The following TMEM222 variants were observed in gnomAD, a reference collection of about 807,000 sequenced individuals.
The protein encoded by TMEM222 is chromosome 1 open reading frame 160.
A neutral mutation model predicts 25.1 loss-of-function variants in TMEM222; 18 were observed. The observed-to-expected ratio is 0.72, with a 90% CI of 0.50 to 1.06. The LOEUF (loss-of-function observed/expected upper bound fraction) is 1.06, where lower values mean the gene tolerates loss of function less well. Ranked by LOEUF, TMEM222 falls within the 50% of genes least tolerant of loss-of-function variation. TMEM222 has a pLI of 0.00. For missense variants in TMEM222, 296 were observed against 293.7 expected, an observed-to-expected ratio of 1.01 and a Z score of -0.06; for synonymous variants, 131 against 117.9, an observed-to-expected ratio of 1.11 and a Z score of -0.72.
chr1:27,322,170 G>T lies in TMEM222; in HGVS notation c.-28G>T. 1 of 1,368,928 alleles carries T rather than the reference G, an allele frequency of 7.3e-7. No homozygotes were observed. The highest frequency in any genetic ancestry group is 9.5e-7 in the Non-Finnish European group (1 of 1,049,962). 84.8% of individuals were successfully genotyped at this position (1,368,928 alleles called of 1,614,324 possible). A position where few individuals can be genotyped will look rare whatever the true frequency, so the allele number is the denominator to read the frequency against. Reference sequence around the variant, plus strand: ...ATGGGGACGAGCGGCACCAGAGCCGGGGCCAGTCGGAGCGGGGCGCGCGCC... The same window carrying T: ...ATGGGGACGAGCGGCACCAGAGCCGTGGCCAGTCGGAGCGGGGCGCGCGCC... On this transcript the variant is annotated 5_prime_UTR_variant, in exon 1 of 6. Coordinates refer to ENST00000374076, the MANE Select transcript of TMEM222 (RefSeq NM_032125.3).
chr1:27,335,261 G>GGGT, intron 5 of TMEM222, 118 bp from the exon 6 acceptor site: 1 of 938,758 alleles, frequency 1.1e-6, no homozygotes, highest in Non-Finnish European at 1.7e-6. Context: ...GTGAGGGGGT[G>GGGT]GTTGGGTTTT....
intron 1 of TMEM222, among the ~76,000 whole-genome samples, chr1:27,326,823 T>C (rs925288601): frequency 2.0e-5 from 3 of 152,130 alleles, no homozygotes; most frequent in Non-Finnish European, 4.4e-5. Context: ...AGGTCCTGAA[T>C]AGAAGGTAGT....
intron 1 of TMEM222, among the ~76,000 whole-genome samples, chr1:27,324,831 C>T (rs1368459220): frequency 1.3e-5 from 2 of 152,082 alleles, no homozygotes; most frequent in African/African-American, 4.8e-5. Flanking sequence ...GGAGATGCTA[C>T]ACACTTTTAA....
chr1:27,323,018 A>C (rs1428336772), intron 1 of TMEM222, among the ~76,000 whole-genome samples: 1 of 152,116 alleles, frequency 6.6e-6, no homozygotes, highest in Non-Finnish European at 1.5e-5. Flanking sequence ...TTTTGGGAGG[A>C]GCTCTCATAT....
chr1:27,326,823 T>A (rs925288601), intron 1 of TMEM222, among the ~76,000 whole-genome samples: 1 of 152,130 alleles, frequency 6.6e-6, no homozygotes, highest in Non-Finnish European at 1.5e-5. Context: ...AGGTCCTGAA[T>A]AGAAGGTAGT....
At chr1:27,328,852 C>T (rs1477146559) in intron 1 of TMEM222, among the ~76,000 whole-genome samples, 1 of 152,204 alleles carries the variant, frequency 6.6e-6, no homozygotes, top group Admixed American at 6.5e-5. Context: ...TTGGCCTGCA[C>T]CCCTAGCCAG....
intron 1 of TMEM222, chr1:27,325,605 A>G: frequency 1.1e-6 from 1 of 940,894 alleles, no homozygotes; most frequent in Non-Finnish European, 1.8e-6. Context: ...CACCGACAGG[A>G]TGCAGAAGGA....
In TMEM222 at chr1:27,335,370, C is replaced by G; in HGVS notation, c.540-9C>G. 1 of 1,614,104 alleles carries G rather than the reference C, an allele frequency of 6.2e-7. No individual in the cohort carries two copies. The highest frequency in any genetic ancestry group is 8.5e-7 in the Non-Finnish European group (1 of 1,179,908). On this transcript the variant is annotated splice_polypyrimidine_tract_variant and intron_variant, in intron 5 of 5. Coordinates refer to ENST00000374076, the MANE Select transcript of TMEM222 (RefSeq NM_032125.3). ...TGCCCACCTATGCTCGCTCCTTTCTCTCTGTCAGCGTTGGGGCCTTCGTGA... is the reference window on the plus strand; with the variant it reads ...TGCCCACCTATGCTCGCTCCTTTCTGTCTGTCAGCGTTGGGGCCTTCGTGA...
rs1385978167 is a variant in TMEM222, at chr1:27,333,337, C to A, written c.312-621C>A. ...CCTCTTCTTTCTATGCCTGCCTAAC[C>A]CTCTTCCTTCATACTGGACCCAGGT... is the stretch of plus-strand genomic sequence containing the variant. On this transcript the variant is annotated intron_variant, in intron 3 of 5. Transcript: ENST00000374076. 6.4e-6 allele frequency: 3 copies of A among 471,178 alleles called. No homozygotes were observed. In the Admixed American group the frequency reaches 7.0e-5, roughly 11 times the overall value. 29.2% of individuals were successfully genotyped at this position (471,178 alleles called of 1,614,324 possible). A position where few individuals can be genotyped will look rare whatever the true frequency, so the allele number is the denominator to read the frequency against.
chr1:27,335,328 G>T (rs1268115033), intron 5 of TMEM222, 51 bp from the exon 6 acceptor site: 2 of 1,579,512 alleles, frequency 1.3e-6, no homozygotes, highest in South Asian at 1.1e-5. Context: ...CGGGCCGCAT[G>T]CCTGCTCACC....
rs772706561 is a variant in TMEM222, at chr1:27,333,987, A to C, written c.341A>C (p.Tyr114Ser). The change falls in exon 4 of 6, where the codon TAT (tyrosine) becomes TCT (serine). Residue 114 changes from tyrosine (Y) to serine (S), a missense_variant. Tyr to Ser is a moderately radical substitution (Grantham distance 144, BLOSUM62 -2). Coordinates refer to ENST00000374076, the MANE Select transcript of TMEM222 (RefSeq NM_032125.3). ...KYWKLDPAQVYASGPNAWDTA... is the reference protein window; with the variant it reads ...KYWKLDPAQVSASGPNAWDTA... ...TGGAAGTTGGACCCTGCTCAGGTCTATGCTAGCGGGCCCAACGCATGGGAC... is the reference window on the plus strand; with the variant it reads ...TGGAAGTTGGACCCTGCTCAGGTCTCTGCTAGCGGGCCCAACGCATGGGAC... The C allele has an allele frequency of 3.1e-6, 5 of 1,614,076 alleles. No homozygotes were observed. In the East Asian group the frequency reaches 1.1e-4, roughly 36 times the overall value.
chr1:27,332,129 C>T (rs776151394), intron 3 of TMEM222, 28 bp downstream of exon 3: 3 of 1,614,194 alleles, frequency 1.9e-6, no homozygotes, highest in Non-Finnish European at 1.7e-6. Context: ...ATGTGACTGG[C>T]TCTAGAGGCA....
rs779302693 is a variant in TMEM222 at position 27,330,745 on chromosome 1, A to T, written c.220A>T (p.Met74Leu). Residue 74 changes from methionine (M) to leucine (L), a missense_variant, in exon 2 of 6, where the codon ATG becomes TTG. Physicochemically the swap from Met to Leu is conservative, Grantham distance 15. Coordinates refer to ENST00000374076, the MANE Select transcript of TMEM222 (RefSeq NM_032125.3). ...LTWFFPIIGH[M>L]GICTSTGVIR... is the part of the protein sequence containing the mutation. ...GTGGTTTTTCCCCATCATCGGCCAC[A>T]TGGGCATCTGCACATCCACAGGAGT... 1 of 1,614,122 alleles carries T rather than the reference A, an allele frequency of 6.2e-7. No homozygotes were observed. The highest frequency in any genetic ancestry group is 8.5e-7 in the Non-Finnish European group (1 of 1,180,002).
chr1:27,327,474 C>T (rs182276303), intron 1 of TMEM222, among the ~76,000 whole-genome samples: 3 of 152,294 alleles, frequency 2.0e-5, no homozygotes, highest in Admixed American at 6.5e-5. Context: ...CTGCATCCTC[C>T]GCCTCCGGGG....
intron 1 of TMEM222, among the ~76,000 whole-genome samples, chr1:27,326,113 G>A (rs896903786): frequency 1.3e-5 from 2 of 152,188 alleles, no homozygotes; most frequent in African/African-American, 4.8e-5. Context: ...AGACAAGTGC[G>A]ACTTGGTGAG....
chr1:27,325,460 T>C (rs115488099), intron 1 of TMEM222: 35,608 of 1,360,702 alleles, frequency 0.026, 627 homozygotes, highest in Middle Eastern at 0.059. Context: ...TGTTCCAGCC[T>C]TCCTTCCTGG....
At chr1:27,322,976 G>T (rs2014243773) in intron 1 of TMEM222, among the ~76,000 whole-genome samples, 1 of 152,156 alleles carries the variant, frequency 6.6e-6, no homozygotes. Context: ...TTTGTCAGGG[G>T]AGAAGCAGGT....
intron 5 of TMEM222, 84 bp from the exon 6 acceptor site, chr1:27,335,295 G>C: frequency 1.5e-6 from 2 of 1,357,024 alleles, no homozygotes; most frequent in Non-Finnish European, 2.1e-6. Flanking sequence ...AGCCCTATTG[G>C]GGTCTGTGGG....
At position 27,325,846 on chromosome 1, in the gene TMEM222, G is replaced by A. The variant is rs1571006085; in HGVS notation, c.194+3455G>A. Reference sequence around the variant, plus strand: ...ATTTGCTGCATGGGTTAATTCAGAAGTATAAATTGGCCCTGGCAAATGCAT... The same window carrying A: ...ATTTGCTGCATGGGTTAATTCAGAAATATAAATTGGCCCTGGCAAATGCAT... On this transcript the variant is annotated intron_variant, in intron 1 of 5. Transcript: ENST00000374076. 8 of 788,276 alleles carry A rather than the reference G, an allele frequency of 1.0e-5. No individual in the cohort carries two copies. The East Asian group carries it at 2.0e-4, about 19-fold the overall frequency. 48.8% of individuals were successfully genotyped at this position (788,276 alleles called of 1,614,324 possible).
Sources: gnomAD v4.1 joint callset for allele counts (sites outside exome capture counted in the v4.1 genomes callset) on GRCh38, gnomAD v4.1.1 for gene constraint, MANE v1.5 for transcripts, NCBI Gene and HGNC (gene_info 2026-07-23, HGNC 2026-07-21) for gene names.